TCP11L2: variants seen among roughly 807,000 people sequenced by gnomAD.
TCP11L2 encodes T-complex protein 11-like protein 2.
TCP11L2 carries 39 observed loss-of-function variants against 50.7 expected under a neutral mutation model. The observed-to-expected ratio is 0.77, with a 90% CI of 0.60 to 1.01. The LOEUF is 1.01. Ranked by LOEUF, TCP11L2 falls within the 50% of genes least tolerant of loss-of-function variation. The probability of loss-of-function intolerance (pLI) is 0.00; values close to 1 mark genes in which losing one functional copy is unlikely to be tolerated. For synonymous variants in TCP11L2, 192 were observed against 219.3 expected (o/e 0.88, Z 1.10); for missense variants, 612 against 614.7 (o/e 1.00, Z 0.05).
Position 106,338,153 on chromosome 12 carries a change from G to A in TCP11L2, c.1142+1940G>A, listed in dbSNP as rs181181553. Among the ~76,000 whole-genome samples, 66 of 152,250 alleles carry A rather than the reference G, an allele frequency of 4.3e-4. 1 individual carries two copies. Among genetic ancestry groups the A allele is most frequent in the Admixed American group, 4.2e-3 (65 of 15,296 alleles). ...CTGAAAGAGGATTTATTGATTAATT[G>A]ATTTTTGCTTTTTTTCCCTTTTTCA... is the stretch of plus-strand genomic sequence containing the variant. On this transcript the variant is annotated intron_variant, in intron 8 of 9. Coordinates refer to ENST00000299045, the MANE Select transcript of TCP11L2 (RefSeq NM_152772.3).
Position 106,340,907 on chromosome 12 carries a change from T to A in TCP11L2, c.1224T>A (p.Gly408=). The A allele has an allele frequency of 6.2e-7, 1 of 1,613,240 alleles. No homozygotes were observed. The highest frequency in any genetic ancestry group is 8.5e-7 in the Non-Finnish European group (1 of 1,179,434). Residue 408 remains glycine, a synonymous_variant, in exon 9 of 10, where the codon GGT becomes GGA. Transcript: ENST00000299045. ...VEVNKTLMER[G]LPTLNAEIQA... is the part of the protein sequence containing the mutation. ...TTAACAAGACCCTGATGGAAAGAGG[T>A]TTACCCACTTTAAATGCTGAGATTC...
chr12:106,335,490 G>C (rs2035884601), intron 6 of TCP11L2, 149 bp from the exon 7 acceptor site: 1 of 680,380 alleles, frequency 1.5e-6, no homozygotes, highest in Non-Finnish European at 2.4e-6. Flanking sequence ...TTACAGGTCT[G>C]CCTTTCCATC....
At position 106,302,798 on chromosome 12, in the gene TCP11L2, T is replaced by TG. The variant is rs34652259; in HGVS notation, c.-172dup. The stretch of plus-strand genomic sequence containing the variant: ...CCTCAGGGCCCTTTAAATACCGCGT[T>TG]GGGGGGGACACTGGGGCTGGGGGGG... On this transcript the variant is annotated 5_prime_UTR_variant, in exon 1 of 10. Coordinates refer to ENST00000299045, the MANE Select transcript of TCP11L2 (RefSeq NM_152772.3). 0.34 allele frequency: 51,725 copies of TG among 151,404 alleles called. 8,882 individuals carry two copies. Among genetic ancestry groups the TG allele is most frequent in the Non-Finnish European group, 0.36 (24,292 of 68,026 alleles). The allele number at this position is 151,404 out of a possible 1,614,324, so 9.4% of individuals were successfully genotyped here.
intron 7 of TCP11L2, 60 bp from the exon 8 acceptor site, chr12:106,335,972 T>C: frequency 1.3e-6 from 2 of 1,511,702 alleles, no homozygotes; most frequent in South Asian, 1.3e-5. Flanking sequence ...ATTGCCTGTT[T>C]TGTATTTTCA....
At chr12:106,319,373 G>C (rs2035249199) in intron 4 of TCP11L2, among the ~76,000 whole-genome samples, 1 of 152,240 alleles carries the variant, frequency 6.6e-6, no homozygotes, top group African/African-American at 2.4e-5. Context: ...AACTATAGCA[G>C]TTTTTTCCCC....
At chr12:106,317,805 A>G (rs891194201) in intron 3 of TCP11L2, among the ~76,000 whole-genome samples, 1 of 152,214 alleles carries the variant, frequency 6.6e-6, no homozygotes, top group Non-Finnish European at 1.5e-5. Context: ...ATAAGGGGTG[A>G]AGCAAGGTGG....
chr12:106,338,443 G>C (rs375158136), intron 8 of TCP11L2, among the ~76,000 whole-genome samples: 2 of 152,208 alleles, frequency 1.3e-5, no homozygotes, highest in African/African-American at 4.8e-5. Flanking sequence ...GAATTAATTT[G>C]CTTAGGATAA....
chr12:106,334,708 C>T (rs189257983), intron 6 of TCP11L2, among the ~76,000 whole-genome samples: 96 of 152,202 alleles, frequency 6.3e-4, no homozygotes, highest in African/African-American at 2.1e-3. Flanking sequence ...TTTTGGGGGC[C>T]AAGGTGGGTG....
chr12:106,307,034 C>T lies in TCP11L2; in HGVS notation c.-35-4007C>T, dbSNP rs532524982. On this transcript the variant is annotated intron_variant, in intron 1 of 9. Transcript: ENST00000299045. ...GAGGAATCACAAGCAAATTAAAAACCAATCTCCTCTCTATCTGTAGTGAAA... is the reference window on the plus strand; with the variant it reads ...GAGGAATCACAAGCAAATTAAAAACTAATCTCCTCTCTATCTGTAGTGAAA... 2.0e-5 allele frequency among the ~76,000 whole-genome samples: 3 copies of T among 152,312 alleles called. No homozygotes were observed. The South Asian group carries it at 6.2e-4, about 32-fold the overall frequency.
chr12:106,310,826 A>G (rs2034824395), intron 1 of TCP11L2, among the ~76,000 whole-genome samples: 1 of 152,208 alleles, frequency 6.6e-6, no homozygotes, highest in East Asian at 1.9e-4. Context: ...GTAAGCTCAC[A>G]CCTATGGCTG....
intron 6 of TCP11L2, among the ~76,000 whole-genome samples, chr12:106,327,417 C>T (rs567867824): frequency 1.3e-5 from 2 of 152,236 alleles, no homozygotes; most frequent in East Asian, 3.9e-4. Context: ...TGGTCTCTAA[C>T]TACTGGCTTC....
chr12:106,313,891 G>A (rs189770914), intron 2 of TCP11L2, among the ~76,000 whole-genome samples: 141 of 149,400 alleles, frequency 9.4e-4, no homozygotes, highest in Non-Finnish European at 1.7e-3. Flanking sequence ...TCAGCCTTCC[G>A]AGTAGCTGGG....
intron 1 of TCP11L2, among the ~76,000 whole-genome samples, chr12:106,309,592 T>TA (rs1473343503): frequency 6.6e-6 from 1 of 151,848 alleles, no homozygotes; most frequent in Non-Finnish European, 1.5e-5. Context: ...TTAAAAAAAT[T>TA]ACTCTTTTTC....
At chr12:106,320,060 C>G (rs2035279434) in intron 4 of TCP11L2, among the ~76,000 whole-genome samples, 1 of 152,204 alleles carries the variant, frequency 6.6e-6, no homozygotes, top group Non-Finnish European at 1.5e-5. Flanking sequence ...ATCCTCGCAT[C>G]ATATTGATTT....
Position 106,323,909 on chromosome 12 carries a change from A to T in TCP11L2, c.772+263A>T, listed in dbSNP as rs561029741. On this transcript the variant is annotated intron_variant, in intron 6 of 9. Coordinates refer to ENST00000299045, the MANE Select transcript of TCP11L2 (RefSeq NM_152772.3). ...TTTTTTACCTTCCAAAATTGACATC[A>T]CAAACTTACAGTTGTTTATTCTGTC... 182 of 166,304 alleles carry T rather than the reference A, an allele frequency of 1.1e-3. 2 individuals carry two copies. In the Middle Eastern group the frequency reaches 0.016, roughly 15 times the overall value. 10.3% of individuals were successfully genotyped at this position (166,304 alleles called of 1,614,324 possible). A position where few individuals can be genotyped will look rare whatever the true frequency, so the allele number is the denominator to read the frequency against.
upstream of TCP11L2, among the ~76,000 whole-genome samples, chr12:106,299,432 C>A (rs1226425122): frequency 6.6e-6 from 1 of 152,160 alleles, no homozygotes; most frequent in Non-Finnish European, 1.5e-5. Context: ...GTGGGGAGAT[C>A]AGGACCAGTT....
upstream of TCP11L2, among the ~76,000 whole-genome samples, chr12:106,302,636 G>A (rs114307783): frequency 1.3e-5 from 2 of 151,782 alleles, no homozygotes; most frequent in Non-Finnish European, 1.5e-5. Flanking sequence ...GACGAAGACT[G>A]TTTCTCTAAT....
intron 3 of TCP11L2, among the ~76,000 whole-genome samples, 159 bp downstream of exon 3, chr12:106,314,652 A>G (rs994921284): frequency 6.6e-6 from 1 of 151,654 alleles, no homozygotes; most frequent in African/African-American, 2.4e-5. Flanking sequence ...AAGTTCTTGT[A>G]TAATATCCTC....
chr12:106,300,523 G>T (rs2034392515), upstream of TCP11L2, among the ~76,000 whole-genome samples: 1 of 152,042 alleles, frequency 6.6e-6, no homozygotes. Context: ...GTAGAGACGG[G>T]GTTTCACCGT....
Sources: allele counts gnomAD v4.1 joint callset (sites outside exome capture counted in the v4.1 genomes callset), GRCh38; gene constraint gnomAD v4.1.1; transcripts MANE v1.5; gene names NCBI Gene and HGNC (gene_info 2026-07-23, HGNC 2026-07-21).